The following RLN2 variants were observed in gnomAD, a reference collection of about 807,000 sequenced individuals.
RLN2 encodes the protein relaxin 2, also known as prorelaxin H2.
A neutral mutation model predicts 7.3 loss-of-function variants in RLN2; 10 were observed. The ratio of observed to expected loss-of-function variants is 1.36; its 90% CI spans 0.84 to 2.31. RLN2 has a LOEUF of 2.31. Ranked by LOEUF, RLN2 falls within the 30% of genes most tolerant of loss-of-function variation. The pLI, the probability that RLN2 is intolerant of heterozygous loss-of-function variation, is 0.00. For missense variants in RLN2, 298 were observed against 217.6 expected (o/e 1.37, Z -2.32); for synonymous variants, 103 against 82.3 (o/e 1.25, Z -1.36).
At chr9:5,333,190 C>G in the RLN2 span, among the ~76,000 whole-genome samples, 19 of 152,002 alleles carry the variant, frequency 1.2e-4, no homozygotes, top group East Asian at 3.9e-4. Context: ...TGAGAAAATG[C>G]GCTCATGCAC....
At chr9:5,311,787 T>C in the RLN2 span, 1 of 750,968 alleles carries the variant, frequency 1.3e-6, no homozygotes, top group East Asian at 2.5e-5. Context: ...TTTTATCAAG[T>C]TTTATAAAAA....
the RLN2 span, chr9:5,334,917 G>C: frequency 5.4e-6 from 1 of 185,852 alleles, no homozygotes; most frequent in Non-Finnish European, 1.1e-5. Context: ...AAAACATTTT[G>C]GTCCACCTCA....
chr9:5,311,960 A>G, the RLN2 span, among the ~76,000 whole-genome samples: 1 of 151,634 alleles, frequency 6.6e-6, no homozygotes, highest in South Asian at 2.1e-4. Flanking sequence ...AGAAAAAAAC[A>G]AACAACCCCA....
chr9:5,310,415 T>G, the RLN2 span, among the ~76,000 whole-genome samples: 2 of 151,962 alleles, frequency 1.3e-5, no homozygotes, highest in Non-Finnish European at 2.9e-5. Flanking sequence ...CTGCCAAGTT[T>G]CAAAGGACTT....
the RLN2 span, among the ~76,000 whole-genome samples, chr9:5,326,206 C>T: frequency 7.9e-5 from 12 of 152,092 alleles, 1 homozygote; most frequent in East Asian, 1.9e-3. Context: ...TTGTTTATAA[C>T]AAAAACACAA....
chr9:5,329,856 C>T, the RLN2 span, among the ~76,000 whole-genome samples: 4 of 151,940 alleles, frequency 2.6e-5, no homozygotes, highest in African/African-American at 2.4e-5. Context: ...ATCAATGAGA[C>T]AGAAGGTTAA....
chr9:5,317,994 A>ATGTGTGTGTGTGTG, the RLN2 span, among the ~76,000 whole-genome samples: 1 of 64,742 alleles, frequency 1.5e-5, no homozygotes, highest in African/African-American at 8.1e-5. Context: ...TAACAAAACT[A>ATGTGTGTGTGTGTG]TGTGTGTGTG....
At chr9:5,304,866 A>C (rs1816214559), upstream of RLN2, 4 of 436,222 alleles carry the variant, frequency 9.2e-6, 1 homozygote, top group Middle Eastern at 1.2e-3. Flanking sequence ...GCCCTTTTAC[A>C]GTTGTGTTCT....
chr9:5,327,480 A>T, the RLN2 span, among the ~76,000 whole-genome samples: 1 of 152,084 alleles, frequency 6.6e-6, no homozygotes, highest in Non-Finnish European at 1.5e-5. Flanking sequence ...GGCAGGGCAT[A>T]GTAGAACAAA....
upstream of RLN2, among the ~76,000 whole-genome samples, chr9:5,309,010 C>T (rs1053220536): frequency 2.0e-5 from 3 of 152,078 alleles, no homozygotes; most frequent in African/African-American, 7.2e-5. Flanking sequence ...ATCCTCCATC[C>T]TGTAATTCTA....
the RLN2 span, among the ~76,000 whole-genome samples, chr9:5,326,152 T>C: frequency 6.6e-6 from 1 of 152,134 alleles, no homozygotes; most frequent in African/African-American, 2.4e-5. Context: ...ATGGACCTTT[T>C]TAGTGTTCCT....
chr9:5,326,003 A>T, the RLN2 span, among the ~76,000 whole-genome samples: 2 of 152,054 alleles, frequency 1.3e-5, no homozygotes, highest in Non-Finnish European at 2.9e-5. Flanking sequence ...GGATTTTTTT[A>T]AATTACCACA....
the RLN2 span, among the ~76,000 whole-genome samples, chr9:5,324,720 G>A: frequency 1.8e-4 from 27 of 151,940 alleles, no homozygotes; most frequent in Non-Finnish European, 3.8e-4. Context: ...ATAAAAGTAC[G>A]CAACCTTGCC....
At chr9:5,323,967 G>C in the RLN2 span, among the ~76,000 whole-genome samples, 4 of 151,870 alleles carry the variant, frequency 2.6e-5, no homozygotes, top group East Asian at 1.9e-4. Flanking sequence ...AGAATCACTT[G>C]AACCCAAAGG....
chr9:5,307,269 GAGGATAGATAGATA>G (rs1563737986), upstream of RLN2, among the ~76,000 whole-genome samples: 393 of 40,916 alleles, frequency 9.6e-3, 5 homozygotes, highest in African/African-American at 0.039. Context: ...TAGATAGATA[GAGGATAGATAGATA>G]GATAGATAGA....
the RLN2 span, among the ~76,000 whole-genome samples, chr9:5,336,652 GT>G: frequency 6.6e-6 from 1 of 152,006 alleles, no homozygotes. Context: ...CAATTTAAGA[GT>G]TTTATTTCAC....
chr9:5,320,651 A>C, the RLN2 span, among the ~76,000 whole-genome samples: 147 of 152,200 alleles, frequency 9.7e-4, 3 homozygotes, highest in African/African-American at 3.5e-3. Context: ...GATTATAGGC[A>C]TGAGCCACCA....
the RLN2 span, among the ~76,000 whole-genome samples, chr9:5,337,101 A>G: frequency 3.9e-5 from 6 of 152,024 alleles, 1 homozygote; most frequent in African/African-American, 7.3e-5. Flanking sequence ...AATTTATATC[A>G]TTTTTGGTTA....
At chr9:5,325,491 G>A in the RLN2 span, among the ~76,000 whole-genome samples, 1 of 151,994 alleles carries the variant, frequency 6.6e-6, no homozygotes, top group Non-Finnish European at 1.5e-5. Flanking sequence ...AAGCAATAGA[G>A]AGAACTCGTA....
Sources: gnomAD v4.1 joint callset for allele counts (sites outside exome capture counted in the v4.1 genomes callset) on GRCh38, gnomAD v4.1.1 for gene constraint, MANE v1.5 for transcripts, NCBI Gene and HGNC (gene_info 2026-07-23, HGNC 2026-07-21) for gene names.